The following TRAF3 variants were observed in gnomAD, a reference collection of about 807,000 sequenced individuals.
TRAF3 encodes the protein TNF receptor associated factor 3, also known as TNF receptor-associated factor 3.
A neutral mutation model predicts 62.3 loss-of-function variants in TRAF3; 13 were observed. The ratio of observed to expected loss-of-function variants is 0.21; its 90% CI spans 0.14 to 0.33. The LOEUF (loss-of-function observed/expected upper bound fraction) is 0.33. Ranked by LOEUF, TRAF3 falls within the 10% of genes least tolerant of loss-of-function variation. The pLI is 1.00. For synonymous variants in TRAF3, 269 were observed against 283.4 expected (o/e 0.95, Z 0.51); for missense variants, 440 against 741.8 (o/e 0.59, Z 4.73).
At chr14:102,848,562 G>A (rs2139715662) in intron 2 of TRAF3, among the ~76,000 whole-genome samples, 1 of 152,340 alleles carries the variant, frequency 6.6e-6, no homozygotes, top group East Asian at 1.9e-4. Flanking sequence ...GAAAACTGCT[G>A]TTTAAATTTC....
intron 1 of TRAF3, among the ~76,000 whole-genome samples, chr14:102,793,215 G>A (rs928818574): frequency 2.0e-5 from 3 of 152,082 alleles, no homozygotes; most frequent in African/African-American, 7.2e-5. Flanking sequence ...GTAGTGGTAC[G>A]ATCTTGGCTC....
intron 8 of TRAF3, 116 bp from the exon 9 acceptor site, chr14:102,891,209 C>T (rs972737583): frequency 8.7e-5 from 85 of 972,010 alleles, no homozygotes; most frequent in African/African-American, 3.2e-4. Context: ...GTTCACTTGA[C>T]GCAAATAGGT....
At chr14:102,844,649 A>G (rs974835179) in intron 2 of TRAF3, among the ~76,000 whole-genome samples, 2 of 152,208 alleles carry the variant, frequency 1.3e-5, no homozygotes. Flanking sequence ...AAGGTGAACA[A>G]ATATTTGGCT....
At chr14:102,855,554 G>A (rs760987572) in intron 2 of TRAF3, among the ~76,000 whole-genome samples, 1 of 152,106 alleles carries the variant, frequency 6.6e-6, no homozygotes, top group Non-Finnish European at 1.5e-5. Flanking sequence ...CCAGCACTTT[G>A]GGAGGCCGAG....
chr14:102,782,116 T>C (rs1304036038), intron 1 of TRAF3, among the ~76,000 whole-genome samples: 3 of 151,602 alleles, frequency 2.0e-5, no homozygotes, highest in Non-Finnish European at 4.4e-5. Context: ...TTTTGTATTT[T>C]TTAGTAGAGA....
chr14:102,871,663 G>T (rs1388374207), intron 3 of TRAF3, among the ~76,000 whole-genome samples: 2 of 152,232 alleles, frequency 1.3e-5, no homozygotes, highest in African/African-American at 4.8e-5. Context: ...TAAGTGGAAG[G>T]GGCTTTCCAA....
chr14:102,842,857 A>G (rs577937498), intron 2 of TRAF3, among the ~76,000 whole-genome samples: 4 of 152,334 alleles, frequency 2.6e-5, no homozygotes, highest in East Asian at 3.9e-4. Context: ...AGAGTTCTGT[A>G]TCTGGCAAAA....
chr14:102,881,156 G>A (rs1200863097), intron 6 of TRAF3, among the ~76,000 whole-genome samples: 1 of 152,136 alleles, frequency 6.6e-6, no homozygotes, highest in Non-Finnish European at 1.5e-5. Flanking sequence ...GGCCAAAGCG[G>A]GTGGATCACC....
intron 1 of TRAF3, among the ~76,000 whole-genome samples, chr14:102,810,129 C>G (rs551333269): frequency 5.7e-4 from 87 of 152,328 alleles, no homozygotes; most frequent in African/African-American, 1.9e-3. Context: ...AGTTTGCCAA[C>G]TCTTGGCTTA....
At chr14:102,895,287 T>C (rs969646897) in intron 9 of TRAF3, 1 of 308,512 alleles carries the variant, frequency 3.2e-6, no homozygotes. Flanking sequence ...AGTGAAGTTA[T>C]ATTTTGCCCA....
chr14:102,792,039 C>T (rs1897820957), intron 1 of TRAF3, among the ~76,000 whole-genome samples: 1 of 149,922 alleles, frequency 6.7e-6, no homozygotes, highest in Admixed American at 6.7e-5. Flanking sequence ...AGGCTAGTCC[C>T]AAACTCCTGA....
intron 1 of TRAF3, among the ~76,000 whole-genome samples, chr14:102,785,616 C>A (rs1313768546): frequency 6.6e-6 from 1 of 152,156 alleles, no homozygotes; most frequent in Non-Finnish European, 1.5e-5. Flanking sequence ...TGCAGATTGC[C>A]TGTGGAAATA....
At position 102,864,126 on chromosome 14, in the gene TRAF3, T is replaced by G. The variant is rs540213209; in HGVS notation, c.-17-6059T>G. On this transcript the variant is annotated intron_variant, in intron 2 of 11. Transcript: ENST00000392745. ...TTTCCAAAGTTTTAAAATAGTAGAT[T>G]CTAACGGTTTTTGCCTTTTTCTTTT... Among the ~76,000 whole-genome samples the G allele has an allele frequency of 2.6e-5, 4 of 152,098 alleles. No homozygotes were observed. In the East Asian group the frequency reaches 7.7e-4, roughly 29 times the overall value.
intron 6 of TRAF3, among the ~76,000 whole-genome samples, chr14:102,880,398 T>C (rs1888980663): frequency 6.6e-6 from 1 of 152,238 alleles, no homozygotes; most frequent in African/African-American, 2.4e-5. Context: ...GCTTTACATA[T>C]GTTAATATGT....
At chr14:102,778,096 G>C (rs1897105777) in intron 1 of TRAF3, among the ~76,000 whole-genome samples, 1 of 150,460 alleles carries the variant, frequency 6.6e-6, no homozygotes, top group Non-Finnish European at 1.5e-5. Context: ...CGAGCGCGCT[G>C]CCCGGGCCGG....
At chr14:102,901,862 C>T (rs927821249) in intron 10 of TRAF3, among the ~76,000 whole-genome samples, 8 of 152,258 alleles carry the variant, frequency 5.3e-5, no homozygotes, top group African/African-American at 9.6e-5. Context: ...TCAGGGGGCC[C>T]TGGGGCCCGC....
At chr14:102,853,837 TAA>T (rs35601098) in intron 2 of TRAF3, among the ~76,000 whole-genome samples, 19 of 133,240 alleles carry the variant, frequency 1.4e-4, no homozygotes, top group Non-Finnish European at 1.1e-4. Flanking sequence ...AGACTCCGTC[TAA>T]AAAAAAAAAA....
intron 1 of TRAF3, among the ~76,000 whole-genome samples, chr14:102,820,137 G>A (rs1031882744): frequency 7.2e-5 from 11 of 152,172 alleles, no homozygotes; most frequent in East Asian, 1.9e-4. Flanking sequence ...CTTTGCGAGC[G>A]TCCTCTACAG....
At chr14:102,845,763 G>T (rs1236744526) in intron 2 of TRAF3, among the ~76,000 whole-genome samples, 4 of 151,324 alleles carry the variant, frequency 2.6e-5, no homozygotes, top group Non-Finnish European at 4.4e-5. Context: ...TGATCTGCCC[G>T]CCTCGGCCTC....
Sources: allele counts gnomAD v4.1 joint callset (sites outside exome capture counted in the v4.1 genomes callset), GRCh38; gene constraint gnomAD v4.1.1; transcripts MANE v1.5; gene names NCBI Gene and HGNC (gene_info 2026-07-23, HGNC 2026-07-21).